CACNG7: variants seen among roughly 807,000 people sequenced by gnomAD.
CACNG7 encodes the protein voltage-dependent calcium channel gamma-7 subunit.
CACNG7 carries 9 observed loss-of-function variants against 26.3 expected under a neutral mutation model. That is an observed-to-expected ratio of 0.34 (90% confidence interval 0.21 to 0.60). The LOEUF (loss-of-function observed/expected upper bound fraction) is 0.60. Ranked by LOEUF, CACNG7 falls within the 20% of genes least tolerant of loss-of-function variation. CACNG7 has a pLI of 0.81. For synonymous variants in CACNG7, 170 were observed against 157.0 expected (o/e 1.08, Z -0.62); for missense variants, 297 against 380.4 (o/e 0.78, Z 1.82).
rs1264877049 is a variant in CACNG7 at position 53,922,857 on chromosome 19, T to C, written c.424+7352T>C. Among the ~76,000 whole-genome samples the C allele has an allele frequency of 6.2e-5, 4 of 64,030 alleles. 1 individual carries two copies. The highest frequency in any genetic ancestry group is 3.9e-4 in the Admixed American group (3 of 7,630). The allele number at this position is 64,030 out of a possible 152,430, so 42.0% of individuals were successfully genotyped here. A position where few individuals can be genotyped will look rare whatever the true frequency, so the allele number is the denominator to read the frequency against. ...TGGTCATTGGTGCAGTTGCCCCAGG[T>C]CTGGTCATTGGTGGAGTTGACTCAG... On this transcript the variant is annotated intron_variant, in intron 4 of 5. Coordinates refer to ENST00000391767, the MANE Select transcript of CACNG7 (RefSeq NM_031896.5).
chr19:53,937,673 C>T (rs1046767538), intron 4 of CACNG7, among the ~76,000 whole-genome samples: 2 of 150,062 alleles, frequency 1.3e-5, no homozygotes, highest in Admixed American at 6.7e-5. Context: ...TCATTGCAAC[C>T]TCTGCTTCCT....
At chr19:53,911,000 G>C (rs1459356022) in intron 1 of CACNG7, among the ~76,000 whole-genome samples, 2 of 151,362 alleles carry the variant, frequency 1.3e-5, no homozygotes, top group Admixed American at 1.3e-4. Context: ...AAGGATGAGA[G>C]ACCGTTGTTT....
intron 1 of CACNG7, among the ~76,000 whole-genome samples, chr19:53,911,244 T>A (rs1361710847): frequency 1.3e-5 from 2 of 152,202 alleles, no homozygotes; most frequent in East Asian, 3.9e-4. Flanking sequence ...TTTTGTATTT[T>A]TAGCAGAGAC....
Position 53,943,452 on chromosome 19 carries a change from G to A in CACNG7, c.*1159G>A, listed in dbSNP as rs905396556. On this transcript the variant is annotated 3_prime_UTR_variant, in exon 6 of 6. Transcript: ENST00000391767. ...AGGGAAAGAGGGGCGAGGTAGCACA[G>A]TGCTGTACACGGAACCAGAATGGCC... 8 of 148,102 alleles carry A rather than the reference G, an allele frequency of 5.4e-5. No homozygotes were observed. The highest frequency in any genetic ancestry group is 7.5e-5 in the Non-Finnish European group (5 of 66,942). The allele number at this position is 148,102 out of a possible 1,614,324, so 9.2% of individuals were successfully genotyped here.
chr19:53,933,465 A>G (rs928815168), intron 4 of CACNG7, among the ~76,000 whole-genome samples: 6 of 150,878 alleles, frequency 4.0e-5, no homozygotes, highest in African/African-American at 1.2e-4. Flanking sequence ...ACACCTGGCT[A>G]ATTTTTGTAT....
chr19:53,930,241 C>CCCAG (rs2069062438), intron 4 of CACNG7, among the ~76,000 whole-genome samples: 2 of 150,906 alleles, frequency 1.3e-5, no homozygotes, highest in South Asian at 4.2e-4. Flanking sequence ...CAGAGTCTCA[C>CCCAG]TCTGTCACCC....
chr19:53,941,791 CT>C, intron 5 of CACNG7, 176 bp downstream of exon 5: 1 of 899,226 alleles, frequency 1.1e-6, no homozygotes, highest in Non-Finnish European at 1.6e-6. Flanking sequence ...AGAGCTCCAA[CT>C]TTTGGGATCC....
intron 4 of CACNG7, among the ~76,000 whole-genome samples, chr19:53,927,200 G>A (rs11878489): frequency 0.43 from 65,310 of 151,850 alleles, 16,231 homozygotes; most frequent in African/African-American, 0.69. Context: ...GATTACAGGC[G>A]TGAGCCACTG....
intron 4 of CACNG7, among the ~76,000 whole-genome samples, chr19:53,919,715 G>A (rs1345261347): frequency 7.5e-6 from 1 of 132,784 alleles, no homozygotes; most frequent in Non-Finnish European, 1.6e-5. Flanking sequence ...TGGTGGAGTT[G>A]CCCCAGGCTG....
rs1300386416 is a variant in CACNG7, at chr19:53,909,728, A to G, written c.-30+211A>G. 1.3e-5 allele frequency among the ~76,000 whole-genome samples: 2 copies of G among 151,942 alleles called. No homozygotes were observed. The highest frequency in any genetic ancestry group is 2.4e-5 in the African/African-American group (1 of 41,366). On this transcript the variant is annotated intron_variant, in intron 1 of 5. Coordinates refer to ENST00000391767, the MANE Select transcript of CACNG7 (RefSeq NM_031896.5). This position sits in a 1 kb window ranked among gnomAD's most constrained non-coding sequence, Gnocchi z 5.1. ...GGGTCCGAGGGTCCCGGAGTGGGAAACTGCACTCCTCGCGTCCGAGTCGCA... is the reference window on the plus strand; with the variant it reads ...GGGTCCGAGGGTCCCGGAGTGGGAAGCTGCACTCCTCGCGTCCGAGTCGCA...
chr19:53,940,706 G>A lies in CACNG7; in HGVS notation c.425-764G>A, dbSNP rs1030059605. Reference sequence around the variant, plus strand: ...GACCAGCTCTATTTTCCCTCCTTCCGAAACCTTTGCCCATGCTGTGCACTC... The same window carrying A: ...GACCAGCTCTATTTTCCCTCCTTCCAAAACCTTTGCCCATGCTGTGCACTC... On this transcript the variant is annotated intron_variant, in intron 4 of 5. Transcript: ENST00000391767. The surrounding 1 kb of genome is among the most constrained non-coding windows in gnomAD (Gnocchi z 4.1). Among the ~76,000 whole-genome samples the A allele has an allele frequency of 2.6e-5, 4 of 151,908 alleles. No individual in the cohort carries two copies. Among genetic ancestry groups the A allele is most frequent in the Admixed American group, 6.6e-5 (1 of 15,220 alleles).
chr19:53,942,561 C>A lies in CACNG7; in HGVS notation c.*268C>A, dbSNP rs1002757762. The A allele has an allele frequency of 1.5e-6, 2 of 1,359,386 alleles. No individual in the cohort carries two copies. Among genetic ancestry groups the A allele is most frequent in the Admixed American group, 6.6e-5 (2 of 30,482 alleles). The allele number at this position is 1,359,386 out of a possible 1,614,324, so 84.2% of individuals were successfully genotyped here. On this transcript the variant is annotated 3_prime_UTR_variant, in exon 6 of 6. Coordinates refer to ENST00000391767, the MANE Select transcript of CACNG7 (RefSeq NM_031896.5). The surrounding 1 kb of genome is among the most constrained non-coding windows in gnomAD (Gnocchi z 5.9). Reference sequence around the variant, plus strand: ...CCCTTCGTTGGCCCGCCCCTTTCCTCTGGCCCCTCCTCTCCAAGAAAATTA... The same window carrying A: ...CCCTTCGTTGGCCCGCCCCTTTCCTATGGCCCCTCCTCTCCAAGAAAATTA...
chr19:53,921,741 G>GT (rs543839563), intron 4 of CACNG7, among the ~76,000 whole-genome samples: 1,318 of 62,566 alleles, frequency 0.021, 19 homozygotes, highest in Middle Eastern at 0.043. Context: ...TGGTGGAGTT[G>GT]CCCCAGGTCT....
intron 4 of CACNG7, among the ~76,000 whole-genome samples, chr19:53,919,826 T>TCTGGTCATTGGTGGAGTTGCCCCAGGC (rs2068926222): frequency 1.8e-5 from 2 of 108,854 alleles, no homozygotes; most frequent in Non-Finnish European, 3.7e-5. Flanking sequence ...TTGCCCCAGG[T>TCTGGTCATTGGTGGAGTTGCCCCAGGC]CTGGTCATTG....
At chr19:53,933,071 G>A (rs2069083744) in intron 4 of CACNG7, among the ~76,000 whole-genome samples, 1 of 151,918 alleles carries the variant, frequency 6.6e-6, no homozygotes, top group South Asian at 2.1e-4. Context: ...CTCCCAAAGT[G>A]CTGGGATTAC....
intron 4 of CACNG7, among the ~76,000 whole-genome samples, chr19:53,925,802 A>T (rs1189574111): frequency 6.6e-6 from 1 of 152,230 alleles, no homozygotes; most frequent in African/African-American, 2.4e-5. Flanking sequence ...CGTAGCAGAT[A>T]AGGTCTGTGC....
At chr19:53,941,960 G>C (rs2145921705) in intron 5 of CACNG7, 76 bp from the exon 6 acceptor site, 13 of 1,471,552 alleles carry the variant, frequency 8.8e-6, no homozygotes, top group Non-Finnish European at 1.2e-5. Flanking sequence ...CTGAGTCCTG[G>C]AGTGAGAGGA....
At chr19:53,918,838 G>A (rs1336758799) in intron 4 of CACNG7, among the ~76,000 whole-genome samples, 4 of 151,964 alleles carry the variant, frequency 2.6e-5, no homozygotes, top group African/African-American at 4.8e-5. Flanking sequence ...GCGCGATCTC[G>A]GCTCACTGCA....
chr19:53,935,861 G>A (rs540066177), intron 4 of CACNG7, among the ~76,000 whole-genome samples: 10 of 149,942 alleles, frequency 6.7e-5, no homozygotes, highest in East Asian at 4.0e-4. Context: ...GGCTGATCTC[G>A]AACTCCTGAC....
Sources: allele counts gnomAD v4.1 joint callset (sites outside exome capture counted in the v4.1 genomes callset), GRCh38; gene constraint gnomAD v4.1.1; non-coding constraint Gnocchi (gnomAD v3.1); transcripts MANE v1.5; gene names NCBI Gene and HGNC (gene_info 2026-07-23, HGNC 2026-07-21).